THSD7B: variants seen among roughly 807,000 people sequenced by gnomAD.
The protein encoded by THSD7B is thrombospondin type-1 domain-containing protein 7B.
In THSD7B, 138 loss-of-function variants were observed where a neutral mutation model predicts 213.6. The ratio of observed to expected loss-of-function variants is 0.65; its 90% CI spans 0.56 to 0.74. The LOEUF (loss-of-function observed/expected upper bound fraction) is 0.74. Ranked by LOEUF, THSD7B falls within the 30% of genes least tolerant of loss-of-function variation. THSD7B has a pLI of 0.00. For missense variants in THSD7B, 1,931 were observed against 1,991.5 expected (o/e 0.97, Z 0.58); for synonymous variants, 742 against 687.0 (o/e 1.08, Z -1.25).
intron 12 of THSD7B, among the ~76,000 whole-genome samples, chr2:137,350,562 AG>A (rs1462584004): frequency 6.6e-6 from 1 of 151,842 alleles, no homozygotes; most frequent in Non-Finnish European, 1.5e-5. Flanking sequence ...TTATGATAAA[AG>A]CAATAGAACC....
intron 20 of THSD7B, among the ~76,000 whole-genome samples, chr2:137,628,422 T>G (rs368809096): frequency 3.7e-4 from 57 of 152,320 alleles, no homozygotes; most frequent in African/African-American, 1.2e-3. Context: ...GTACTTAGAA[T>G]TCAGCACTGG....
At chr2:137,258,577 A>G (rs191732293) in intron 10 of THSD7B, among the ~76,000 whole-genome samples, 2 of 152,056 alleles carry the variant, frequency 1.3e-5, no homozygotes, top group Non-Finnish European at 2.9e-5. Context: ...TTAAAATTGC[A>G]AAACCTTCTC....
chr2:137,106,644 A>T (rs1688257601), intron 4 of THSD7B, among the ~76,000 whole-genome samples: 2 of 152,192 alleles, frequency 1.3e-5, no homozygotes, highest in African/African-American at 4.8e-5. Context: ...CTATCTATCC[A>T]TTTGACAAAG....
intron 12 of THSD7B, among the ~76,000 whole-genome samples, chr2:137,312,625 C>T (rs1683947278): frequency 6.6e-6 from 1 of 150,688 alleles, no homozygotes. Flanking sequence ...ATCTTTCCTG[C>T]TTTCTCTTGT....
chr2:136,924,995 A>G (rs910909964), intron 2 of THSD7B, among the ~76,000 whole-genome samples: 2 of 152,182 alleles, frequency 1.3e-5, no homozygotes, highest in African/African-American at 2.4e-5. Context: ...TAGAAATGCA[A>G]CTGAATTTTG....
At chr2:137,107,216 G>A (rs1260641569) in intron 4 of THSD7B, among the ~76,000 whole-genome samples, 1 of 152,132 alleles carries the variant, frequency 6.6e-6, no homozygotes, top group Non-Finnish European at 1.5e-5. Context: ...CATAAAAAAG[G>A]ATGAGTTCAT....
intron 1 of THSD7B, among the ~76,000 whole-genome samples, chr2:136,785,617 C>T (rs148030512): frequency 6.6e-6 from 1 of 152,160 alleles, no homozygotes; most frequent in Non-Finnish European, 1.5e-5. Flanking sequence ...AATCGGCAAA[C>T]CCAAAAGTAA....
At chr2:137,306,098 C>T (rs530432821) in intron 12 of THSD7B, among the ~76,000 whole-genome samples, 3 of 152,192 alleles carry the variant, frequency 2.0e-5, no homozygotes, top group Non-Finnish European at 2.9e-5. Context: ...TGGTAGTGAA[C>T]GTGAAGCCCC....
intron 17 of THSD7B, among the ~76,000 whole-genome samples, chr2:137,608,975 T>C (rs1682238071): frequency 6.6e-6 from 1 of 152,234 alleles, no homozygotes; most frequent in African/African-American, 2.4e-5. Flanking sequence ...AATGCATTAA[T>C]GATAAGAGTG....
intron 7 of THSD7B, among the ~76,000 whole-genome samples, chr2:137,185,964 A>G (rs1680543431): frequency 6.6e-6 from 1 of 151,928 alleles, no homozygotes; most frequent in Non-Finnish European, 1.5e-5. Context: ...TGTGGTTTTG[A>G]TTTGCATTTC....
chr2:137,361,812 G>A (rs1386351421), intron 12 of THSD7B, among the ~76,000 whole-genome samples: 1 of 152,184 alleles, frequency 6.6e-6, no homozygotes, highest in Non-Finnish European at 1.5e-5. Flanking sequence ...ACACTCTTCA[G>A]GATATTATCC....
intron 12 of THSD7B, among the ~76,000 whole-genome samples, chr2:137,316,659 G>C (rs1481664820): frequency 6.6e-6 from 1 of 151,724 alleles, no homozygotes; most frequent in Non-Finnish European, 1.5e-5. Context: ...TCAGGAAGCT[G>C]AGGCAGGAGA....
intron 12 of THSD7B, among the ~76,000 whole-genome samples, chr2:137,338,200 C>T (rs563235524): frequency 1.3e-5 from 2 of 152,100 alleles, no homozygotes; most frequent in African/African-American, 4.8e-5. Context: ...CCACATAGTC[C>T]CTCCAAATGG....
chr2:137,168,990 A>G (rs757398204), intron 6 of THSD7B, among the ~76,000 whole-genome samples: 10 of 151,928 alleles, frequency 6.6e-5, no homozygotes, highest in Non-Finnish European at 8.8e-5. Flanking sequence ...ACATGGAGGT[A>G]TGGAGGTATA....
chr2:137,477,626 G>C (rs1319755042), intron 15 of THSD7B, among the ~76,000 whole-genome samples: 1 of 151,248 alleles, frequency 6.6e-6, no homozygotes, highest in Non-Finnish European at 1.5e-5. Context: ...TTTTATCATT[G>C]CAGTTTGGTG....
chr2:136,780,588 A>G (rs924780692), intron 1 of THSD7B, among the ~76,000 whole-genome samples: 3 of 152,166 alleles, frequency 2.0e-5, no homozygotes, highest in African/African-American at 7.2e-5. Context: ...TTTAGTGTCT[A>G]ATGTTGACTT....
intron 1 of THSD7B, among the ~76,000 whole-genome samples, chr2:136,840,363 G>A (rs1682903711): frequency 6.6e-6 from 1 of 152,046 alleles, no homozygotes; most frequent in South Asian, 2.1e-4. Context: ...TGGGTGACAA[G>A]AGCAAAACTC....
chr2:137,555,891 C>G (rs541327900), intron 15 of THSD7B, among the ~76,000 whole-genome samples: 1 of 151,996 alleles, frequency 6.6e-6, no homozygotes, highest in Non-Finnish European at 1.5e-5. Context: ...AACTACGTGA[C>G]GAATGCACAA....
chr2:137,292,248 A>C (rs990506754), intron 12 of THSD7B, among the ~76,000 whole-genome samples: 2 of 152,216 alleles, frequency 1.3e-5, no homozygotes, highest in African/African-American at 4.8e-5. Context: ...CTGTATGTAT[A>C]GATAGAAATT....
Sources: gnomAD v4.1 joint callset for allele counts (sites outside exome capture counted in the v4.1 genomes callset) on GRCh38, gnomAD v4.1.1 for gene constraint, MANE v1.5 for transcripts, NCBI Gene and HGNC (gene_info 2026-07-23, HGNC 2026-07-21) for gene names.